The following PCDHGA9 variants were observed in gnomAD, a reference collection of about 807,000 sequenced individuals.
The protein encoded by PCDHGA9 is protocadherin gamma-A9.
In PCDHGA9, 37 loss-of-function variants were observed where a neutral mutation model predicts 62.5. That is an observed-to-expected ratio of 0.59 (90% CI 0.46 to 0.78). PCDHGA9 has a LOEUF of 0.78. Ranked by LOEUF, PCDHGA9 falls within the 30% of genes least tolerant of loss-of-function variation. PCDHGA9 has a pLI of 0.00. For missense variants in PCDHGA9, 1,138 were observed against 1,166.2 expected, an observed-to-expected ratio of 0.98 and a Z score of 0.35; for synonymous variants, 459 against 484.6, an observed-to-expected ratio of 0.95 and a Z score of 0.69.
intron 1 of PCDHGA9, chr5:141,413,182 G>A (rs752788034): frequency 6.2e-7 from 1 of 1,604,164 alleles, no homozygotes; most frequent in Non-Finnish European, 8.5e-7. Context: ...TACAATGGCC[G>A]CTCAAAGGAA....
chr5:141,491,747 G>C lies in PCDHGA9; in HGVS notation c.2425-3060G>C. 6.3e-7 allele frequency: 1 copy of C among 1,591,872 alleles called. No homozygotes were observed. The highest frequency in any genetic ancestry group is 8.5e-7 in the Non-Finnish European group (1 of 1,170,328). ...CGGGCGACCCCTGGGGGCGGCACTG[G>C]AGAAGCCGCCCGTCCTCATAAGGGA... On this transcript the variant is annotated intron_variant, in intron 1 of 3. Transcript: ENST00000573521. This position sits in a 1 kb window ranked among gnomAD's most constrained non-coding sequence, Gnocchi z 6.9.
chr5:141,441,882 C>A, intron 1 of PCDHGA9: 1 of 343,664 alleles, frequency 2.9e-6, no homozygotes, highest in South Asian at 2.6e-5. Context: ...GCTACCTGGT[C>A]ACCAAGGTGG....
intron 1 of PCDHGA9, among the ~76,000 whole-genome samples, chr5:141,434,746 C>T (rs1591345130): frequency 6.6e-6 from 1 of 151,796 alleles, no homozygotes; most frequent in South Asian, 2.1e-4. Context: ...GGCTATGAGA[C>T]CCCTGATTCC....
At chr5:141,494,783 C>G (rs2099756910) in intron 1 of PCDHGA9, 24 bp from the exon 2 acceptor site, 2 of 1,613,964 alleles carry the variant, frequency 1.2e-6, no homozygotes, top group Admixed American at 3.3e-5. Context: ...GTACTCAGCC[C>G]CTTTCCCTCT....
At chr5:141,405,488 C>A in intron 1 of PCDHGA9, 112 bp downstream of exon 1, 1 of 895,936 alleles carries the variant, frequency 1.1e-6, no homozygotes, top group Non-Finnish European at 1.7e-6. Context: ...GGTGTGATCT[C>A]GGCTCATTGC....
chr5:141,438,526 G>A (rs188552043), intron 1 of PCDHGA9, among the ~76,000 whole-genome samples: 11 of 143,330 alleles, frequency 7.7e-5, no homozygotes, highest in Non-Finnish European at 1.5e-4. Flanking sequence ...ATTTTACATG[G>A]ACTTTTCCTC....
chr5:141,478,045 T>A, intron 1 of PCDHGA9: 1 of 1,614,144 alleles, frequency 6.2e-7, no homozygotes, highest in Non-Finnish European at 8.5e-7. Context: ...CCAGGCAGAC[T>A]CTCACGGTCT....
chr5:141,403,079 T>A lies in PCDHGA9; in HGVS notation c.127T>A (p.Tyr43Asn), dbSNP rs770770660. 6.2e-7 allele frequency: 1 copy of A among 1,614,064 alleles called. No individual in the cohort carries two copies. Among genetic ancestry groups the A allele is most frequent in the East Asian group, 2.2e-5 (1 of 44,884 alleles). ...YSVPEETEKG[Y>N]IVGNISKDLA... is the part of the protein sequence containing the mutation. ...AGTGCCTGAAGAGACAGAAAAGGGCTATATTGTGGGCAACATCTCCAAGGA... is the reference window on the plus strand; with the variant it reads ...AGTGCCTGAAGAGACAGAAAAGGGCAATATTGTGGGCAACATCTCCAAGGA... The change falls in exon 1 of 4, where the codon TAT becomes AAT. Residue 43 changes from tyrosine (Y) to asparagine (N), a missense_variant. Physicochemically the swap from Tyr to Asn is moderately radical, Grantham distance 143. Transcript: ENST00000573521.
intron 1 of PCDHGA9, among the ~76,000 whole-genome samples, chr5:141,424,908 C>G (rs910592644): frequency 1.3e-5 from 2 of 152,184 alleles, no homozygotes; most frequent in Non-Finnish European, 2.9e-5. Context: ...TCACAGGAAT[C>G]ATTTCCATAA....
chr5:141,419,894 C>G, intron 1 of PCDHGA9: 1 of 1,613,926 alleles, frequency 6.2e-7, no homozygotes, highest in Non-Finnish European at 8.5e-7. Flanking sequence ...CAGCGACCAT[C>G]CCACACCCTC....
chr5:141,431,036 G>A lies in PCDHGA9; in HGVS notation c.2424+25660G>A. The A allele has an allele frequency of 6.2e-7, 1 of 1,614,204 alleles. No individual in the cohort carries two copies. Among genetic ancestry groups the A allele is most frequent in the Non-Finnish European group, 8.5e-7 (1 of 1,180,034 alleles). ...GGTCACGGCGGGCAGGATAGACCGG[G>A]AGGAGCTCTGTATGGGGGCCATCAA... On this transcript the variant is annotated intron_variant, in intron 1 of 3. Coordinates refer to ENST00000573521, the MANE Select transcript of PCDHGA9 (RefSeq NM_018921.3). This position sits in a 1 kb window ranked among gnomAD's most constrained non-coding sequence, Gnocchi z 4.8.
At chr5:141,479,003 C>A (rs2099485569) in intron 1 of PCDHGA9, among the ~76,000 whole-genome samples, 1 of 152,176 alleles carries the variant, frequency 6.6e-6, no homozygotes, top group African/African-American at 2.4e-5. Flanking sequence ...AAACTAATAG[C>A]TTTTTGATAA....
At chr5:141,462,157 A>C (rs1232551906) in intron 1 of PCDHGA9, among the ~76,000 whole-genome samples, 1 of 151,394 alleles carries the variant, frequency 6.6e-6, no homozygotes, top group African/African-American at 2.4e-5. Flanking sequence ...ATGGGGTTTC[A>C]TCATGTTGGC....
chr5:141,476,224 G>T lies in PCDHGA9; in HGVS notation c.2425-18583G>T. 6.2e-7 allele frequency: 1 copy of T among 1,614,062 alleles called. No individual in the cohort carries two copies. The highest frequency in any genetic ancestry group is 1.1e-5 in the South Asian group (1 of 91,072). ...AGGCTTCCACGGTCATTCACTATGA[G>T]ATCCCGGAGGAAAGAGAGAAGGGTT... On this transcript the variant is annotated intron_variant, in intron 1 of 3. Transcript: ENST00000573521. This position sits in a 1 kb window ranked among gnomAD's most constrained non-coding sequence, Gnocchi z 7.6.
chr5:141,414,289 C>T (rs1435700383), intron 1 of PCDHGA9: 1 of 1,613,394 alleles, frequency 6.2e-7, no homozygotes, highest in African/African-American at 1.3e-5. Flanking sequence ...AGTCGTAGCC[C>T]TTTTAAATGT....
intron 3 of PCDHGA9, among the ~76,000 whole-genome samples, chr5:141,510,556 T>TA (rs2099881668): frequency 6.6e-6 from 1 of 152,178 alleles, no homozygotes; most frequent in African/African-American, 2.4e-5. Flanking sequence ...TTTGAGCACT[T>TA]ACATCTACCA....
intron 1 of PCDHGA9, chr5:141,422,889 G>A (rs62378455): frequency 0.035 from 55,863 of 1,614,202 alleles, 1,109 homozygotes; most frequent in Middle Eastern, 0.098. Context: ...TGTTCGTGCT[G>A]GACCAGAACG....
intron 1 of PCDHGA9, chr5:141,478,557 G>A (rs1316386006): frequency 1.2e-6 from 2 of 1,600,016 alleles, no homozygotes; most frequent in Non-Finnish European, 1.7e-6. Context: ...GTAAGGTTTA[G>A]CAAGTCATGC....
Position 141,476,793 on chromosome 5 carries a change from C to T in PCDHGA9, c.2425-18014C>T, listed in dbSNP as rs754785656. ...GACGGAGGGACCCCAGCTCTCTCCG[C>T]CAGCCTGCCTATTCACATCAAGGTG... On this transcript the variant is annotated intron_variant, in intron 1 of 3. Transcript: ENST00000573521. The surrounding 1 kb of genome is among the most constrained non-coding windows in gnomAD (Gnocchi z 7.6). 1.2e-6 allele frequency: 2 copies of T among 1,613,642 alleles called. No homozygotes were observed. The highest frequency in any genetic ancestry group is 2.2e-5 in the East Asian group (1 of 44,868).
Sources: allele counts gnomAD v4.1 joint callset (sites outside exome capture counted in the v4.1 genomes callset), GRCh38; gene constraint gnomAD v4.1.1; non-coding constraint Gnocchi (gnomAD v3.1); transcripts MANE v1.5; gene names NCBI Gene and HGNC (gene_info 2026-07-23, HGNC 2026-07-21).